The following DNER variants were observed in gnomAD, a reference collection of about 807,000 sequenced individuals.
DNER encodes the protein delta/notch like EGF repeat containing.
DNER carries 33 observed loss-of-function variants against 78.2 expected under a neutral mutation model. The observed-to-expected ratio is 0.42, with a 90% CI of 0.32 to 0.56. DNER has a LOEUF of 0.56. Among genes scored for constraint, DNER ranks in the 20% least tolerant of loss-of-function variants. The pLI, the probability that DNER is intolerant of heterozygous loss-of-function variation, is 0.11. For synonymous variants in DNER, 417 were observed against 384.8 expected (o/e 1.08, Z -0.98); for missense variants, 918 against 975.3 (o/e 0.94, Z 0.78).
chr2:229,521,913 C>T (rs1574883552), intron 5 of DNER, among the ~76,000 whole-genome samples: 2 of 152,098 alleles, frequency 1.3e-5, no homozygotes, highest in Non-Finnish European at 2.9e-5. Flanking sequence ...ACACATGTAA[C>T]TTAACATGTT....
At chr2:229,434,424 G>A (rs1374270609) in intron 8 of DNER, among the ~76,000 whole-genome samples, 3 of 152,210 alleles carry the variant, frequency 2.0e-5, no homozygotes, top group African/African-American at 4.8e-5. Context: ...GAAGCTGACA[G>A]TCAGGACTTC....
At chr2:229,468,384 ATAACATCACTATTGTAAAACC>A (rs904250820) in intron 7 of DNER, among the ~76,000 whole-genome samples, 7 of 152,256 alleles carry the variant, frequency 4.6e-5, no homozygotes, top group African/African-American at 1.7e-4. Context: ...GTTCTTGGGG[ATAACATCACTATTGTAAAACC>A]TAACATCAGT....
At chr2:229,459,037 T>C (rs1311430125) in intron 7 of DNER, among the ~76,000 whole-genome samples, 1 of 151,964 alleles carries the variant, frequency 6.6e-6, no homozygotes, top group East Asian at 1.9e-4. Context: ...AAGCATAAAA[T>C]AGGATTAAAT....
At chr2:229,558,115 A>T (rs1385571801) in intron 4 of DNER, among the ~76,000 whole-genome samples, 2 of 152,192 alleles carry the variant, frequency 1.3e-5, no homozygotes, top group African/African-American at 4.8e-5. Context: ...TCCTTAGCAA[A>T]CTAACACAAG....
chr2:229,460,961 GT>G (rs1354918042), intron 7 of DNER, among the ~76,000 whole-genome samples: 1 of 152,170 alleles, frequency 6.6e-6, no homozygotes, highest in South Asian at 2.1e-4. Flanking sequence ...AAATATAGAA[GT>G]CTGCAAGTCA....
At chr2:229,559,083 G>A (rs981547272) in intron 4 of DNER, among the ~76,000 whole-genome samples, 2 of 152,160 alleles carry the variant, frequency 1.3e-5, no homozygotes, top group African/African-American at 4.8e-5. Context: ...CACATAGATA[G>A]TTTAGGCAAC....
intron 4 of DNER, among the ~76,000 whole-genome samples, chr2:229,575,304 T>C (rs1697277880): frequency 6.6e-6 from 1 of 152,124 alleles, no homozygotes; most frequent in Non-Finnish European, 1.5e-5. Flanking sequence ...CAGGCCCAAA[T>C]TGTAGAATAT....
intron 6 of DNER, among the ~76,000 whole-genome samples, chr2:229,481,845 T>A (rs1452975329): frequency 1.3e-5 from 2 of 152,120 alleles, no homozygotes; most frequent in Non-Finnish European, 2.9e-5. Flanking sequence ...ACACAAAAGG[T>A]AATACACGGT....
rs147907193 is a variant in DNER, at chr2:229,601,948, A to G, written c.277-10060T>C. ...CATATTTAACTAAGTCCTAAGAGAT[A>G]GCACTCAATTGCACTTACTGACATA... On this transcript the variant is annotated intron_variant, in intron 1 of 12. Transcript: ENST00000341772. Among the ~76,000 whole-genome samples, 46 of 152,164 alleles carry G rather than the reference A, an allele frequency of 3.0e-4. No homozygotes were observed. In the East Asian group the frequency reaches 8.3e-3, roughly 27 times the overall value.
chr2:229,577,642 A>T (rs919059472), intron 4 of DNER, among the ~76,000 whole-genome samples: 11 of 152,212 alleles, frequency 7.2e-5, no homozygotes, highest in Admixed American at 6.5e-4. Flanking sequence ...CTCAAAAAAA[A>T]AACAAAGAAG....
At chr2:229,576,767 AGG>A (rs1370011932) in intron 4 of DNER, among the ~76,000 whole-genome samples, 1 of 152,188 alleles carries the variant, frequency 6.6e-6, no homozygotes, top group Non-Finnish European at 1.5e-5. Flanking sequence ...AAGAAGGGGA[AGG>A]GAATCAGAGT....
At chr2:229,641,230 G>A (rs531962323) in intron 1 of DNER, among the ~76,000 whole-genome samples, 2 of 152,330 alleles carry the variant, frequency 1.3e-5, no homozygotes, top group South Asian at 4.1e-4. Context: ...CTGAACTGGA[G>A]TGGGGGTGAG....
chr2:229,600,891 C>T (rs531735011), intron 1 of DNER, among the ~76,000 whole-genome samples: 1 of 152,224 alleles, frequency 6.6e-6, no homozygotes, highest in South Asian at 2.1e-4. Context: ...AGGAGAGTGA[C>T]TCTGTCTGCC....
At chr2:229,435,166 T>C (rs1447529490) in intron 8 of DNER, among the ~76,000 whole-genome samples, 1 of 152,208 alleles carries the variant, frequency 6.6e-6, no homozygotes, top group African/African-American at 2.4e-5. Flanking sequence ...TGGGACCTTG[T>C]GTTCTGTTGC....
At chr2:229,529,377 C>T (rs759676284) in intron 5 of DNER, among the ~76,000 whole-genome samples, 14 of 152,146 alleles carry the variant, frequency 9.2e-5, no homozygotes, top group Non-Finnish European at 1.9e-4. Flanking sequence ...AAGTGAACCA[C>T]GACCCTTGCC....
intron 1 of DNER, among the ~76,000 whole-genome samples, chr2:229,595,490 C>T (rs1697695586): frequency 6.6e-6 from 1 of 152,158 alleles, no homozygotes; most frequent in African/African-American, 2.4e-5. Flanking sequence ...CCATGTTGGC[C>T]AGGCTGGTCT....
chr2:229,692,636 T>A (rs1351167734), intron 1 of DNER, among the ~76,000 whole-genome samples: 1 of 152,230 alleles, frequency 6.6e-6, no homozygotes, highest in African/African-American at 2.4e-5. Flanking sequence ...TAAAAATTGC[T>A]TCTGATGTAA....
At chr2:229,630,731 C>T (rs1485159553) in intron 1 of DNER, among the ~76,000 whole-genome samples, 1 of 151,990 alleles carries the variant, frequency 6.6e-6, no homozygotes, top group Non-Finnish European at 1.5e-5. Flanking sequence ...TGATTGATCC[C>T]ATCACCCAGG....
chr2:229,474,226 G>T (rs1048133660), intron 7 of DNER, among the ~76,000 whole-genome samples: 3 of 152,170 alleles, frequency 2.0e-5, no homozygotes, highest in Non-Finnish European at 4.4e-5. Flanking sequence ...TTTTTAAAGT[G>T]CAAAGTGTTC....
Sources: allele counts gnomAD v4.1 joint callset (sites outside exome capture counted in the v4.1 genomes callset), GRCh38; gene constraint gnomAD v4.1.1; transcripts MANE v1.5; gene names NCBI Gene and HGNC (gene_info 2026-07-23, HGNC 2026-07-21).